The following PDZRN4 variants were observed in gnomAD, a reference collection of about 807,000 sequenced individuals.
The protein encoded by PDZRN4 is PDZ domain containing ring finger 4.
A neutral mutation model predicts 99.0 loss-of-function variants in PDZRN4; 70 were observed. The observed-to-expected ratio is 0.71, with a 90% CI of 0.58 to 0.86. PDZRN4 has a LOEUF of 0.86. Among genes scored for constraint, PDZRN4 ranks in the 40% least tolerant of loss-of-function variants. The probability of loss-of-function intolerance (pLI) is 0.00; values close to 1 mark genes in which losing one functional copy is unlikely to be tolerated. For synonymous variants in PDZRN4, 551 were observed against 501.6 expected (o/e 1.10, Z -1.32); for missense variants, 1,474 against 1,331.2 (o/e 1.11, Z -1.67).
intron 3 of PDZRN4, among the ~76,000 whole-genome samples, chr12:41,207,930 G>A (rs975687641): frequency 1.3e-5 from 2 of 148,560 alleles, no homozygotes; most frequent in African/African-American, 4.9e-5. Flanking sequence ...TTGAATTACA[G>A]TATTAGCCAT....
At chr12:41,387,825 G>C (rs765495858) in intron 3 of PDZRN4, among the ~76,000 whole-genome samples, 6 of 152,208 alleles carry the variant, frequency 3.9e-5, no homozygotes, top group African/African-American at 1.4e-4. Flanking sequence ...ATACACTGAC[G>C]GTGTTGGAGT....
rs1251634286 is a variant in PDZRN4, at chr12:41,377,559, G to C, written c.844-128897G>C. The stretch of plus-strand genomic sequence containing the variant: ...ATGCACCTGTAGTCCAGCTACTCGG[G>C]AGGCTGAAGCAGGAGAATGGTGTGA... On this transcript the variant is annotated intron_variant, in intron 3 of 9. Transcript: ENST00000402685. 3.2e-4 allele frequency among the ~76,000 whole-genome samples: 49 copies of C among 152,068 alleles called. 1 individual carries two copies. Among genetic ancestry groups the C allele is most frequent in the Non-Finnish European group, 2.9e-5 (2 of 68,032 alleles).
At chr12:41,495,088 C>A (rs765041490) in intron 3 of PDZRN4, among the ~76,000 whole-genome samples, 3 of 151,836 alleles carry the variant, frequency 2.0e-5, no homozygotes, top group Admixed American at 1.3e-4. Flanking sequence ...AAAGGTATAA[C>A]GATGCAGGTG....
chr12:41,433,059 T>C (rs775199615), intron 3 of PDZRN4, among the ~76,000 whole-genome samples: 16 of 152,234 alleles, frequency 1.1e-4, no homozygotes, highest in Non-Finnish European at 1.6e-4. Flanking sequence ...TTGTGGGACA[T>C]TAGCTGATAA....
chr12:41,510,695 C>T (rs775644807), intron 5 of PDZRN4, among the ~76,000 whole-genome samples: 7 of 152,106 alleles, frequency 4.6e-5, no homozygotes, highest in Non-Finnish European at 1.0e-4. Flanking sequence ...TGATGTCATA[C>T]AAGTTCAGCA....
At chr12:41,246,937 G>A (rs10879899) in intron 3 of PDZRN4, among the ~76,000 whole-genome samples, 86,076 of 151,798 alleles carry the variant, frequency 0.57, 24,478 homozygotes, top group East Asian at 0.65. Context: ...TTGAGTCTTC[G>A]GCTAGGATAT....
intron 3 of PDZRN4, among the ~76,000 whole-genome samples, chr12:41,439,350 C>T (rs562387890): frequency 6.6e-5 from 10 of 152,274 alleles, no homozygotes; most frequent in African/African-American, 2.4e-4. Context: ...CTAGGTGGAA[C>T]ACTTTCCTTA....
chr12:41,421,933 T>C (rs1354593415), intron 3 of PDZRN4, among the ~76,000 whole-genome samples: 2 of 152,220 alleles, frequency 1.3e-5, no homozygotes, highest in Non-Finnish European at 2.9e-5. Flanking sequence ...GTGATTAGTA[T>C]GTTGGAGCTC....
chr12:41,498,909 G>T (rs1216880493), intron 3 of PDZRN4, among the ~76,000 whole-genome samples: 4 of 152,048 alleles, frequency 2.6e-5, no homozygotes, highest in Non-Finnish European at 5.9e-5. Flanking sequence ...ACAAATTTTA[G>T]TTCTTGCCAC....
intron 5 of PDZRN4, among the ~76,000 whole-genome samples, chr12:41,531,292 C>T (rs142008511): frequency 2.0e-5 from 3 of 152,280 alleles, no homozygotes; most frequent in African/African-American, 4.8e-5. Context: ...TGCCTGGGCT[C>T]TCCTCCAACC....
intron 3 of PDZRN4, among the ~76,000 whole-genome samples, chr12:41,343,043 T>C (rs1609060): frequency 0.39 from 58,515 of 151,636 alleles, 11,377 homozygotes; most frequent in South Asian, 0.41. Flanking sequence ...TATTCAGCCA[T>C]GAAAAAGAAT....
At chr12:41,353,521 C>G (rs1951905685) in intron 3 of PDZRN4, among the ~76,000 whole-genome samples, 1 of 152,080 alleles carries the variant, frequency 6.6e-6, no homozygotes. Flanking sequence ...CTTGGAATCA[C>G]AACCTAGTTG....
chr12:41,384,439 C>T (rs1952151089), intron 3 of PDZRN4, among the ~76,000 whole-genome samples: 1 of 152,020 alleles, frequency 6.6e-6, no homozygotes, highest in Non-Finnish European at 1.5e-5. Flanking sequence ...TGTTTTTTGA[C>T]TCAATATAGA....
rs1938674479 is a variant in PDZRN4 at position 41,532,329 on chromosome 12, T to C, written c.1204-20327T>C. ...ACTGTCTTAAATTGTTATATCTTTA[T>C]AAGAAGTCTTGGTAGCTGGCTGACT... On this transcript the variant is annotated intron_variant, in intron 5 of 9. Transcript: ENST00000402685. Among the ~76,000 whole-genome samples the C allele has an allele frequency of 2.6e-5, 4 of 152,204 alleles. No homozygotes were observed. The South Asian group carries it at 8.3e-4, about 31-fold the overall frequency.
intron 3 of PDZRN4, among the ~76,000 whole-genome samples, chr12:41,382,641 T>G (rs1452275815): frequency 2.0e-5 from 3 of 152,190 alleles, no homozygotes; most frequent in African/African-American, 7.2e-5. Flanking sequence ...TCTCTCTGCC[T>G]TTTCCAAGAT....
At chr12:41,438,831 G>A (rs73128660) in intron 3 of PDZRN4, among the ~76,000 whole-genome samples, 233 of 152,256 alleles carry the variant, frequency 1.5e-3, no homozygotes, top group Non-Finnish European at 2.8e-3. Flanking sequence ...GCTCAAGTTC[G>A]AATTTCTTAT....
chr12:41,573,183 T>A lies in PDZRN4; in HGVS notation c.2404T>A (p.Cys802Ser). 6.2e-7 allele frequency: 1 copy of A among 1,614,106 alleles called. No homozygotes were observed. The change falls in exon 10 of 10, where the codon TGT (cysteine) becomes AGT (serine). Residue 802 changes from cysteine (C) to serine (S), a missense_variant. By Grantham distance (112) the Cys-to-Ser change is moderately radical. Coordinates refer to ENST00000402685, the MANE Select transcript of PDZRN4 (RefSeq NM_001164595.2). ...STKAKTTEQGCSAESKEKVLE... is the reference protein window; with the variant it reads ...STKAKTTEQGSSAESKEKVLE... ...CAAAGCCAAAACCACTGAGCAAGGT[T>A]GTAGCGCTGAAAGCAAGGAGAAGGT...
rs1334964902 is a variant in PDZRN4 at position 41,563,630 on chromosome 12, T to C, written c.1448T>C (p.Val483Ala). 1 of 1,612,838 alleles carries C rather than the reference T, an allele frequency of 6.2e-7. No homozygotes were observed. Among genetic ancestry groups the C allele is most frequent in the East Asian group, 2.2e-5 (1 of 44,866 alleles). The change falls in exon 8 of 10, where the codon GTT becomes GCT. Residue 483 changes from valine (V) to alanine (A), a missense_variant. Physicochemically the swap from Val to Ala is moderately conservative, Grantham distance 64. Coordinates refer to ENST00000402685, the MANE Select transcript of PDZRN4 (RefSeq NM_001164595.2). ...NDECKRIVLL[V>A]ARPEIQLDEG... ...GAGTGTAAGAGAATCGTGCTGCTTGTTGCAAGGCCAGAGATTCAGGTCAGA... is the reference window on the plus strand; with the variant it reads ...GAGTGTAAGAGAATCGTGCTGCTTGCTGCAAGGCCAGAGATTCAGGTCAGA...
rs528307578 is a variant in PDZRN4, at chr12:41,350,741, T to C, written c.844-155715T>C. 4.6e-5 allele frequency among the ~76,000 whole-genome samples: 7 copies of C among 152,254 alleles called. No homozygotes were observed. The South Asian group carries it at 1.4e-3, about 32-fold the overall frequency. ...AGTAATAGTAGCTTAGAAAGTTACA[T>C]ACATGTTTTGAATATATCCCCCCAG... On this transcript the variant is annotated intron_variant, in intron 3 of 9. Transcript: ENST00000402685.
Sources: gnomAD v4.1 joint callset for allele counts (sites outside exome capture counted in the v4.1 genomes callset) on GRCh38, gnomAD v4.1.1 for gene constraint, MANE v1.5 for transcripts, NCBI Gene and HGNC (gene_info 2026-07-23, HGNC 2026-07-21) for gene names.